The following AKR1B15 variants were observed in gnomAD, a reference collection of about 807,000 sequenced individuals.
AKR1B15 encodes the protein aldo-keto reductase family 1 member B15.
A neutral mutation model predicts 38.5 loss-of-function variants in AKR1B15; 49 were observed. The observed-to-expected ratio is 1.27, with a 90% CI of 1.01 to 1.62. AKR1B15 has a LOEUF of 1.62. Among genes scored for constraint, AKR1B15 ranks in the 40% most tolerant of loss-of-function variants. The pLI is 0.00. For synonymous variants in AKR1B15, 137 were observed against 135.5 expected (o/e 1.01, Z -0.08); for missense variants, 411 against 381.6 (o/e 1.08, Z -0.64).
At position 134,564,675 on chromosome 7, in the gene AKR1B15, C is replaced by G; in HGVS notation, c.56C>G (p.Pro19Arg). 4.3e-6 allele frequency: 3 copies of G among 699,688 alleles called. No homozygotes were observed. The highest frequency in any genetic ancestry group is 7.8e-6 in the Non-Finnish European group (3 of 384,274). The allele number at this position is 699,688 out of a possible 1,614,324, so 43.3% of individuals were successfully genotyped here. The change falls in exon 3 of 12, where the codon CCC becomes CGC. Residue 19 changes from proline (P) to arginine (R), a missense_variant. Transcript: ENST00000457545. The part of the protein sequence containing the change: ...VNSTNNFHQG[P>R]LDQPVGPLTG... The stretch of plus-strand genomic sequence containing the variant: ...TCAACTAACAACTTCCACCAAGGAC[C>G]CCTGGACCAACCCGTTGGCCCTTTG...
chr7:134,554,073 C>A (rs2117605306), intron 1 of AKR1B15, among the ~76,000 whole-genome samples: 1 of 152,316 alleles, frequency 6.6e-6, no homozygotes, highest in Admixed American at 6.5e-5. Context: ...AGCCATCTAT[C>A]AAGAGCGAGG....
At chr7:134,575,067 A>G in intron 6 of AKR1B15, among the ~76,000 whole-genome samples, 1 of 152,242 alleles carries the variant, frequency 6.6e-6, no homozygotes, top group East Asian at 1.9e-4. Flanking sequence ...AAATCATCTC[A>G]TAAGCTTACA....
intron 11 of AKR1B15, among the ~76,000 whole-genome samples, chr7:134,578,623 T>G (rs1794815408): frequency 6.6e-6 from 1 of 152,264 alleles, no homozygotes; most frequent in South Asian, 2.1e-4. Context: ...TGTCTGGCAT[T>G]TATTACTGCG....
chr7:134,576,724 T>A (rs952972113), intron 9 of AKR1B15, among the ~76,000 whole-genome samples: 4 of 151,636 alleles, frequency 2.6e-5, no homozygotes, highest in African/African-American at 9.7e-5. Flanking sequence ...TGATCAGCCT[T>A]ATGACCCCCA....
intron 4 of AKR1B15, among the ~76,000 whole-genome samples, chr7:134,568,871 A>AC (rs1029924764): frequency 1.0e-4 from 15 of 150,150 alleles, no homozygotes; most frequent in African/African-American, 1.7e-4. Context: ...TGCTGAAAAA[A>AC]AAAACAAAAC....
intron 1 of AKR1B15, among the ~76,000 whole-genome samples, chr7:134,553,528 G>A (rs1037394000): frequency 6.6e-6 from 1 of 152,228 alleles, no homozygotes. Context: ...GCAACAGCAA[G>A]CCAGGTCCAG....
chr7:134,560,079 G>A (rs975525396), intron 2 of AKR1B15, among the ~76,000 whole-genome samples: 32 of 151,728 alleles, frequency 2.1e-4, no homozygotes, highest in African/African-American at 7.7e-4. Context: ...CTGCACTCCA[G>A]CCTGGGTGAC....
At chr7:134,565,058 G>A (rs1386359357) in intron 3 of AKR1B15, 3 of 307,290 alleles carry the variant, frequency 9.8e-6, no homozygotes, top group South Asian at 6.3e-5. Flanking sequence ...GGAACAATCT[G>A]CAGGATGTGG....
Position 134,579,629 on chromosome 7 carries a change from T to C in AKR1B15, c.*80T>C. 1.5e-6 allele frequency: 2 copies of C among 1,302,878 alleles called. No homozygotes were observed. Among genetic ancestry groups the C allele is most frequent in the Non-Finnish European group, 2.1e-6 (2 of 948,224 alleles). The allele number at this position is 1,302,878 out of a possible 1,614,324, so 80.7% of individuals were successfully genotyped here. A position where few individuals can be genotyped will look rare whatever the true frequency, so the allele number is the denominator to read the frequency against. ...GACTGTCTCCACTCAAGAACTATTT[T>C]AGCCAAGCTTATCTGAGATCACAGT... On this transcript the variant is annotated 3_prime_UTR_variant, in exon 12 of 12. Transcript: ENST00000457545.
intron 5 of AKR1B15, chr7:134,570,419 A>G (rs1794644004): frequency 6.6e-6 from 1 of 152,000 alleles, no homozygotes; most frequent in Admixed American, 6.5e-5. Context: ...TCCACACCCT[A>G]TTTGTATACT....
intron 7 of AKR1B15, 56 bp downstream of exon 7, chr7:134,575,598 G>GC (rs1794751997): frequency 1.1e-5 from 17 of 1,607,218 alleles, no homozygotes; most frequent in Non-Finnish European, 1.4e-5. Context: ...CTTAAACATT[G>GC]CGGGGGGAAT....
chr7:134,551,147 C>G (rs1793958367), intron 1 of AKR1B15, among the ~76,000 whole-genome samples: 1 of 152,150 alleles, frequency 6.6e-6, no homozygotes, highest in Non-Finnish European at 1.5e-5. Context: ...TTTCTTCACC[C>G]ATTTCCACCA....
chr7:134,555,414 A>G (rs945252052), intron 1 of AKR1B15, among the ~76,000 whole-genome samples: 5 of 152,076 alleles, frequency 3.3e-5, no homozygotes, highest in Middle Eastern at 3.2e-3. Context: ...TCTCGCATCA[A>G]AAAGGCCAAC....
Position 134,564,589 on chromosome 7 carries a change from T to C in AKR1B15, c.-22-9T>C, listed in dbSNP as rs1305599982. On this transcript the variant is annotated splice_polypyrimidine_tract_variant and intron_variant, in intron 2 of 11. Coordinates refer to ENST00000457545, the MANE Select transcript of AKR1B15 (RefSeq NM_001080538.3). ...TTTTTAACCTCCTTGTCAAATTTGT[T>C]TCCTCTAGGATCGAGGCCATCAAGC... The C allele has an allele frequency of 5.8e-6, 4 of 684,562 alleles. No homozygotes were observed. The highest frequency in any genetic ancestry group is 1.1e-5 in the Non-Finnish European group (4 of 376,658). 42.4% of individuals were successfully genotyped at this position (684,562 alleles called of 1,614,324 possible).
chr7:134,555,012 T>C (rs1438875617), intron 1 of AKR1B15, among the ~76,000 whole-genome samples: 1 of 152,140 alleles, frequency 6.6e-6, no homozygotes, highest in East Asian at 1.9e-4. Context: ...GAAAACTAGG[T>C]AAAGCTCCTT....
At chr7:134,558,091 C>T (rs570991970) in intron 2 of AKR1B15, among the ~76,000 whole-genome samples, 4 of 152,188 alleles carry the variant, frequency 2.6e-5, no homozygotes, top group Non-Finnish European at 4.4e-5. Context: ...GTCTCAATTA[C>T]ATCAAGGGAC....
intron 6 of AKR1B15, among the ~76,000 whole-genome samples, chr7:134,572,262 C>G (rs1211782302): frequency 6.6e-6 from 1 of 152,110 alleles, no homozygotes; most frequent in African/African-American, 2.4e-5. Context: ...ATGTGTGTGG[C>G]AGAGCTGGGA....
chr7:134,570,264 C>T (rs951776009), intron 5 of AKR1B15: 4 of 152,180 alleles, frequency 2.6e-5, no homozygotes, highest in Non-Finnish European at 5.9e-5. Context: ...CTCTCAAACC[C>T]TGTCTCCTGA....
At chr7:134,551,170 C>T (rs1352025253) in intron 1 of AKR1B15, among the ~76,000 whole-genome samples, 1 of 152,160 alleles carries the variant, frequency 6.6e-6, no homozygotes, top group Non-Finnish European at 1.5e-5. Context: ...CTATAACCCT[C>T]CTCCTCCCCC....
Sources: gnomAD v4.1 joint callset for allele counts (sites outside exome capture counted in the v4.1 genomes callset) on GRCh38, gnomAD v4.1.1 for gene constraint, MANE v1.5 for transcripts, NCBI Gene and HGNC (gene_info 2026-07-23, HGNC 2026-07-21) for gene names.